Variants in RAD18 observed in about 807,000 individuals in gnomAD.
The protein encoded by RAD18 is E3 ubiquitin-protein ligase RAD18.
In RAD18, 47 loss-of-function variants were observed where a neutral mutation model predicts 60.4. The observed-to-expected ratio is 0.78, with a 90% CI of 0.62 to 0.99. The LOEUF is 0.99. Ranked by LOEUF, RAD18 falls within the 50% of genes least tolerant of loss-of-function variation. The probability of loss-of-function intolerance (pLI) is 0.00; values close to 1 mark genes in which losing one functional copy is unlikely to be tolerated. For synonymous variants in RAD18, 225 were observed against 195.5 expected, an observed-to-expected ratio of 1.15 and a Z score of -1.26; for missense variants, 640 against 593.3, an observed-to-expected ratio of 1.08 and a Z score of -0.82.
At chr3:8,910,306 A>G (rs115054472) in intron 9 of RAD18, among the ~76,000 whole-genome samples, 1,649 of 152,346 alleles carry the variant, frequency 0.011, 33 homozygotes, top group African/African-American at 0.037. Flanking sequence ...ATTATTAGTT[A>G]TAAGAAAAAC....
intron 3 of RAD18, 94 bp downstream of exon 3, chr3:8,948,415 C>T (rs1940871766): frequency 6.7e-6 from 7 of 1,041,700 alleles, no homozygotes; most frequent in Admixed American, 2.1e-5. Flanking sequence ...AGTAACTACA[C>T]ATCACCCTAT....
chr3:8,926,948 TA>T (rs1940450776), intron 7 of RAD18, among the ~76,000 whole-genome samples: 1 of 152,106 alleles, frequency 6.6e-6, no homozygotes, highest in Non-Finnish European at 1.5e-5. Context: ...CCTATAACCA[TA>T]AAAACCCTAG....
rs1050466232 is a variant in RAD18, at chr3:8,897,832, G to A, written c.1322+1062C>T. ...TGTAATTCCAGCACTTTGGGAGGCC[G>A]AGGTGGGTGGATCACTTGAGGTCAG... On this transcript the variant is annotated intron_variant, in intron 11 of 12. Coordinates refer to ENST00000264926, the MANE Select transcript of RAD18 (RefSeq NM_020165.4). Among the ~76,000 whole-genome samples the A allele has an allele frequency of 5.9e-5, 9 of 152,016 alleles. No individual in the cohort carries two copies. In the East Asian group the frequency reaches 7.7e-4, roughly 13 times the overall value.
chr3:8,915,146 T>C (rs1324696190), intron 7 of RAD18, among the ~76,000 whole-genome samples: 2 of 20,000 alleles, frequency 1.0e-4, no homozygotes, highest in African/African-American at 2.4e-4. Flanking sequence ...AGACTCCGTC[T>C]CAAAAAAAAA....
At chr3:8,917,360 ACT>A (rs1940222214) in intron 7 of RAD18, among the ~76,000 whole-genome samples, 1 of 152,186 alleles carries the variant, frequency 6.6e-6, no homozygotes, top group Non-Finnish European at 1.5e-5. Context: ...AGAAATGAAA[ACT>A]GGTGAAAATG....
intron 7 of RAD18, among the ~76,000 whole-genome samples, chr3:8,930,436 G>C (rs1226212410): frequency 1.3e-5 from 2 of 152,122 alleles, no homozygotes; most frequent in Non-Finnish European, 2.9e-5. Context: ...AATGGATACT[G>C]GGCTCTTTTC....
chr3:8,893,230 C>T (rs1575533791), intron 11 of RAD18, among the ~76,000 whole-genome samples: 1 of 151,934 alleles, frequency 6.6e-6, no homozygotes, highest in Non-Finnish European at 1.5e-5. Flanking sequence ...CAGGGTACTG[C>T]GGGGTAGGAA....
intron 7 of RAD18, among the ~76,000 whole-genome samples, chr3:8,917,654 A>G (rs1265669713): frequency 6.6e-6 from 1 of 151,842 alleles, no homozygotes. Context: ...AAGTAATAAG[A>G]CAATAATAGA....
At chr3:8,889,176 G>GCACAGCAAGC in intron 12 of RAD18, among the ~76,000 whole-genome samples, 1 of 152,254 alleles carries the variant, frequency 6.6e-6, no homozygotes, top group South Asian at 2.1e-4. Context: ...AATGTCAACT[G>GCACAGCAAGC]CACAGCAAGC....
intron 11 of RAD18, among the ~76,000 whole-genome samples, chr3:8,891,075 A>AATATATATATATATATATATAT (rs71049753): frequency 3.9e-4 from 10 of 25,968 alleles, no homozygotes; most frequent in African/African-American, 7.4e-4. Context: ...ATATATATAA[A>AATATATATATATATATATATAT]ATATATATAT....
intron 1 of RAD18, among the ~76,000 whole-genome samples, chr3:8,963,057 T>A (rs1275901825): frequency 6.6e-6 from 1 of 152,244 alleles, no homozygotes; most frequent in Non-Finnish European, 1.5e-5. Flanking sequence ...TTGGAATAAC[T>A]GTTTTTCTCC....
At chr3:8,915,641 T>C (rs1327905981) in intron 7 of RAD18, among the ~76,000 whole-genome samples, 2 of 150,856 alleles carry the variant, frequency 1.3e-5, no homozygotes, top group Non-Finnish European at 2.9e-5. Context: ...CGGAGTGCAG[T>C]GGCGCGATCT....
chr3:8,915,496 A>G (rs7639644), intron 7 of RAD18, among the ~76,000 whole-genome samples: 6,010 of 152,194 alleles, frequency 0.039, 399 homozygotes, highest in African/African-American at 0.14. Flanking sequence ...GATGAACTGC[A>G]AAAGACCAAG....
chr3:8,930,026 A>G (rs632067), intron 7 of RAD18, among the ~76,000 whole-genome samples: 103,863 of 152,092 alleles, frequency 0.68, 36,075 homozygotes, highest in Middle Eastern at 0.77. Context: ...ATTCCTCAAA[A>G]TGTTAAAATA....
intron 7 of RAD18, among the ~76,000 whole-genome samples, chr3:8,920,982 C>T (rs1940308971): frequency 1.3e-5 from 2 of 152,150 alleles, no homozygotes; most frequent in Admixed American, 1.3e-4. Flanking sequence ...CAAGTACTAA[C>T]TACAGTGGCA....
chr3:8,946,744 T>C (rs45503992), intron 4 of RAD18, among the ~76,000 whole-genome samples: 36 of 152,334 alleles, frequency 2.4e-4, no homozygotes, highest in African/African-American at 7.7e-4. Context: ...GAATCAATTA[T>C]AGATATGTGT....
intron 11 of RAD18, 25 bp downstream of exon 11, chr3:8,898,869 T>C (rs1559761545): frequency 2.0e-6 from 3 of 1,509,454 alleles, no homozygotes; most frequent in Admixed American, 2.0e-5. Flanking sequence ...ATATTTAAAA[T>C]AATCAACTAC....
intron 6 of RAD18, among the ~76,000 whole-genome samples, chr3:8,936,520 T>C (rs930256365): frequency 6.6e-6 from 1 of 152,212 alleles, no homozygotes; most frequent in East Asian, 1.9e-4. Flanking sequence ...TTAGTGAGTT[T>C]TAATTCATTT....
intron 3 of RAD18, among the ~76,000 whole-genome samples, 168 bp downstream of exon 3, chr3:8,948,341 C>T (rs1398902434): frequency 6.6e-6 from 1 of 152,176 alleles, no homozygotes; most frequent in Non-Finnish European, 1.5e-5. Flanking sequence ...CTGAACAAAG[C>T]CCAGCTCTTC....
Sources: allele counts gnomAD v4.1 joint callset (sites outside exome capture counted in the v4.1 genomes callset), GRCh38; gene constraint gnomAD v4.1.1; transcripts MANE v1.5; gene names NCBI Gene and HGNC (gene_info 2026-07-23, HGNC 2026-07-21).